The following PTPRG variants were observed in gnomAD, a reference collection of about 807,000 sequenced individuals.
PTPRG encodes protein tyrosine phosphatase receptor type G.
A neutral mutation model predicts 165.3 loss-of-function variants in PTPRG; 102 were observed. That is an observed-to-expected ratio of 0.62 (90% CI 0.53 to 0.73). PTPRG has a LOEUF of 0.73. Ranked by LOEUF, PTPRG falls within the 30% of genes least tolerant of loss-of-function variation. The pLI is 0.00. For missense variants in PTPRG, 1,866 were observed against 1,861.4 expected (o/e 1.00, Z -0.05); for synonymous variants, 675 against 669.5 (o/e 1.01, Z -0.13).
In PTPRG at chr3:62,166,197, C is replaced by CTTTTTTTTT. The variant is rs564761041; in HGVS notation, c.841-1746_841-1738dup. Among the ~76,000 whole-genome samples, 94 of 53,934 alleles carry CTTTTTTTTT rather than the reference C, an allele frequency of 1.7e-3. 29 individuals are homozygous for CTTTTTTTTT. The highest frequency in any genetic ancestry group is 2.5e-3 in the African/African-American group (33 of 13,384). 35.4% of individuals were successfully genotyped at this position (53,934 alleles called of 152,430 possible). Reference sequence around the variant, plus strand: ...TGGCTGCATATTTCAAATTACAGTTCTTTTTTTTTTTTTTTTTTTTTTTTT... The same window carrying CTTTTTTTTT: ...TGGCTGCATATTTCAAATTACAGTTCTTTTTTTTTTTTTTTTTTTTTTTTTTTTTTTTTT... On this transcript the variant is annotated intron_variant, in intron 7 of 29. Coordinates refer to ENST00000474889, the MANE Select transcript of PTPRG (RefSeq NM_002841.4).
In PTPRG at chr3:61,989,687, C is replaced by T; in HGVS notation, c.253C>T (p.Pro85Ser). The change falls in exon 3 of 30, where the codon CCT (proline) becomes TCT (serine). Residue 85 changes from proline (P) to serine (S), a missense_variant. Pro to Ser is a moderately conservative substitution (Grantham distance 74, BLOSUM62 -1). Coordinates refer to ENST00000474889, the MANE Select transcript of PTPRG (RefSeq NM_002841.4). Reference sequence around the variant, plus strand: ...CAGCTGTGGGGGCCGTCACCAGTCTCCTATTGACATTTTAGACCAGTATGC... The same window carrying T: ...CAGCTGTGGGGGCCGTCACCAGTCTTCTATTGACATTTTAGACCAGTATGC... The part of the protein sequence containing the change: ...SVSCGGRHQS[P>S]IDILDQYARV... 1 of 1,614,132 alleles carries T rather than the reference C, an allele frequency of 6.2e-7. No individual in the cohort carries two copies. The highest frequency in any genetic ancestry group is 8.5e-7 in the Non-Finnish European group (1 of 1,180,006).
chr3:61,882,941 C>A (rs1473162228), intron 2 of PTPRG, among the ~76,000 whole-genome samples: 1 of 152,176 alleles, frequency 6.6e-6, no homozygotes, highest in Admixed American at 6.5e-5. Context: ...GCTGGGGATT[C>A]TACTAGATGC....
chr3:62,235,577 G>A (rs1701012330), intron 14 of PTPRG, among the ~76,000 whole-genome samples: 1 of 152,144 alleles, frequency 6.6e-6, no homozygotes, highest in African/African-American at 2.4e-5. Context: ...AGAGAATATA[G>A]TTTTGAGACC....
At chr3:62,010,493 C>A (rs1486723448) in intron 4 of PTPRG, among the ~76,000 whole-genome samples, 1 of 151,892 alleles carries the variant, frequency 6.6e-6, no homozygotes, top group Non-Finnish European at 1.5e-5. Context: ...GGGTCCTGTT[C>A]AAATACATTG....
chr3:61,902,429 A>G (rs2038521730), intron 2 of PTPRG, among the ~76,000 whole-genome samples: 2 of 152,166 alleles, frequency 1.3e-5, no homozygotes, highest in Non-Finnish European at 2.9e-5. Flanking sequence ...CTTAGTTTCC[A>G]TCACCTGTGT....
At chr3:61,735,267 TTTAAA>T (rs1297236358) in intron 1 of PTPRG, among the ~76,000 whole-genome samples, 2 of 152,166 alleles carry the variant, frequency 1.3e-5, no homozygotes, top group Non-Finnish European at 2.9e-5. Flanking sequence ...TAATAGCCCT[TTTAAA>T]TTATTTTCCT....
At chr3:61,604,287 G>A (rs1385362141) in intron 1 of PTPRG, among the ~76,000 whole-genome samples, 3 of 152,154 alleles carry the variant, frequency 2.0e-5, no homozygotes, top group Admixed American at 6.5e-5. Flanking sequence ...TTGCACCACT[G>A]CACTCCAACC....
chr3:61,882,790 C>A (rs1029917317), intron 2 of PTPRG, among the ~76,000 whole-genome samples: 1 of 152,152 alleles, frequency 6.6e-6, no homozygotes, highest in Non-Finnish European at 1.5e-5. Flanking sequence ...ATACGTGTTT[C>A]TAAAAAGACT....
At chr3:62,285,630 G>GT (rs1702620728) in intron 28 of PTPRG, among the ~76,000 whole-genome samples, 1 of 151,928 alleles carries the variant, frequency 6.6e-6, no homozygotes, top group African/African-American at 2.4e-5. Flanking sequence ...TTTGAGGACA[G>GT]GCACAGCTTA....
chr3:61,976,243 G>C (rs752483524), intron 2 of PTPRG, among the ~76,000 whole-genome samples: 14 of 152,210 alleles, frequency 9.2e-5, no homozygotes, highest in Non-Finnish European at 1.5e-4. Flanking sequence ...CTACTGTAAT[G>C]ATGGAGAGTT....
Position 62,093,713 on chromosome 3 carries a change from G to A in PTPRG, c.615+15455G>A, listed in dbSNP as rs143255729. ...GTTGGCCCATGGACCTGCATATACT[G>A]GAGGCTGGAAGTAAGATCATCCCCT... On this transcript the variant is annotated intron_variant, in intron 5 of 29. Coordinates refer to ENST00000474889, the MANE Select transcript of PTPRG (RefSeq NM_002841.4). 7.5e-4 allele frequency among the ~76,000 whole-genome samples: 114 copies of A among 152,250 alleles called. 1 individual carries two copies. The East Asian group carries it at 0.018, about 25-fold the overall frequency.
intron 1 of PTPRG, among the ~76,000 whole-genome samples, chr3:61,669,771 TGA>T (rs932431618): frequency 2.0e-5 from 3 of 152,186 alleles, no homozygotes; most frequent in African/African-American, 7.2e-5. Context: ...AGTTTGGCAC[TGA>T]GAGGGGAATG....
At chr3:61,955,499 A>G (rs1006692415) in intron 2 of PTPRG, among the ~76,000 whole-genome samples, 14 of 152,234 alleles carry the variant, frequency 9.2e-5, no homozygotes, top group African/African-American at 3.4e-4. Context: ...TATGTGAATT[A>G]GGCTCCAGGA....
chr3:62,214,387 G>A lies in PTPRG; in HGVS notation c.2156-4464G>A, dbSNP rs2106872957. The stretch of plus-strand genomic sequence containing the variant: ...AATAGTTAACATTAACCAGGTGCCA[G>A]GCAACATTCTAAGTGTTTTGTATGC... On this transcript the variant is annotated intron_variant, in intron 12 of 29. Coordinates refer to ENST00000474889, the MANE Select transcript of PTPRG (RefSeq NM_002841.4). This position sits in a 1 kb window ranked among gnomAD's most constrained non-coding sequence, Gnocchi z 5.2. 6.6e-6 allele frequency among the ~76,000 whole-genome samples: 1 copy of A among 152,300 alleles called. No individual in the cohort carries two copies. Among genetic ancestry groups the A allele is most frequent in the Non-Finnish European group, 1.5e-5 (1 of 68,022 alleles).
At chr3:61,682,084 G>T (rs541482736) in intron 1 of PTPRG, among the ~76,000 whole-genome samples, 7 of 150,562 alleles carry the variant, frequency 4.6e-5, no homozygotes, top group African/African-American at 1.7e-4. Context: ...GGGAGGCAGA[G>T]GTTGCAGTGA....
At chr3:61,743,071 G>A (rs1011980522) in intron 1 of PTPRG, 45 of 1,589,806 alleles carry the variant, frequency 2.8e-5, no homozygotes, top group Non-Finnish European at 3.4e-5. Context: ...TTCCCGCACC[G>A]CCTCGTACAG....
At chr3:61,816,533 AAAAC>A (rs1417100082) in intron 2 of PTPRG, among the ~76,000 whole-genome samples, 14 of 152,292 alleles carry the variant, frequency 9.2e-5, no homozygotes, top group Middle Eastern at 3.4e-3. Context: ...CTCCCTCTCA[AAAAC>A]AAACAAACAC....
At chr3:62,176,091 A>G (rs7649564) in intron 8 of PTPRG, among the ~76,000 whole-genome samples, 5 of 152,116 alleles carry the variant, frequency 3.3e-5, no homozygotes, top group African/African-American at 4.8e-5. Flanking sequence ...TCTGGCTGTT[A>G]TGTGGCGAAT....
At chr3:61,964,338 G>A (rs557107610) in intron 2 of PTPRG, among the ~76,000 whole-genome samples, 2 of 152,308 alleles carry the variant, frequency 1.3e-5, no homozygotes, top group South Asian at 4.1e-4. Flanking sequence ...AAGTGTGAAT[G>A]AGGCGGGAAA....
Sources: allele counts gnomAD v4.1 joint callset (sites outside exome capture counted in the v4.1 genomes callset), GRCh38; gene constraint gnomAD v4.1.1; non-coding constraint Gnocchi (gnomAD v3.1); transcripts MANE v1.5; gene names NCBI Gene and HGNC (gene_info 2026-07-23, HGNC 2026-07-21).